Variants in JOSD1 observed in about 807,000 individuals in gnomAD.
JOSD1 encodes the protein Josephin domain containing 1.
In JOSD1, 11 loss-of-function variants were observed where a neutral mutation model predicts 24.3. The observed-to-expected ratio is 0.45, with a 90% CI of 0.29 to 0.75. The LOEUF is 0.75. Ranked by LOEUF, JOSD1 falls within the 30% of genes least tolerant of loss-of-function variation. The probability of loss-of-function intolerance (pLI) is 0.11; values close to 1 mark genes in which losing one functional copy is unlikely to be tolerated. For missense variants in JOSD1, 184 were observed against 253.5 expected, an observed-to-expected ratio of 0.73 and a Z score of 1.86; for synonymous variants, 106 against 93.8, an observed-to-expected ratio of 1.13 and a Z score of -0.75.
At chr22:38,689,495 A>G in intron 2 of JOSD1, 71 bp from the exon 3 acceptor site, 1 of 1,586,738 alleles carries the variant, frequency 6.3e-7, no homozygotes, top group Non-Finnish European at 8.6e-7. Context: ...ACTACCAGGG[A>G]TGGAGAGCAC....
At chr22:38,691,987 G>A (rs1489016195) in intron 2 of JOSD1, among the ~76,000 whole-genome samples, 3 of 152,182 alleles carry the variant, frequency 2.0e-5, no homozygotes, top group African/African-American at 7.2e-5. Flanking sequence ...GAAATGTTCA[G>A]TGTTTATTTT....
At chr22:38,692,823 C>CAGA (rs368035454) in intron 2 of JOSD1, among the ~76,000 whole-genome samples, 1,504 of 138,188 alleles carry the variant, frequency 0.011, 33 homozygotes, top group African/African-American at 0.039. Context: ...AAAAAGAGAA[C>CAGA]AGAACACATA....
At position 38,700,896 on chromosome 22, in the gene JOSD1, C is replaced by A. The variant is rs575747974; in HGVS notation, c.-728G>T. The stretch of plus-strand genomic sequence containing the variant: ...GCCGGGACTGCTCGCCGCTGGCGGT[C>A]CCCTCACCGCAGCCGGCCGCCACCT... On this transcript the variant is annotated 5_prime_UTR_variant, in exon 1 of 5. Transcript: ENST00000683374. 7 of 984,468 alleles carry A rather than the reference C, an allele frequency of 7.1e-6. No individual in the cohort carries two copies. Among genetic ancestry groups the A allele is most frequent in the South Asian group, 4.7e-5 (1 of 21,292 alleles). 61.0% of individuals were successfully genotyped at this position (984,468 alleles called of 1,614,324 possible). A position where few individuals can be genotyped will look rare whatever the true frequency, so the allele number is the denominator to read the frequency against.
intron 2 of JOSD1, among the ~76,000 whole-genome samples, chr22:38,698,931 A>ATTT (rs202242270): frequency 6.6e-6 from 1 of 151,992 alleles, no homozygotes; most frequent in Non-Finnish European, 1.5e-5. Context: ...TAATTTTTGT[A>ATTT]TTTTTAGTAG....
In JOSD1 at chr22:38,689,006, C is replaced by T. The variant is rs267606248; in HGVS notation, c.438G>A (p.Val146=). ...AGTCGAGGTTGTAGTAGGCCCCTCC[C>T]ACCTCTCGAACACAGATCCAGTGCT... ...KRQHWICVRE[V]GGAYYNLDSK... The change falls in exon 4 of 5, where the codon GTG becomes GTA. Residue 146 remains valine (V), a synonymous_variant. Transcript: ENST00000683374. 1 of 1,614,174 alleles carries T rather than the reference C, an allele frequency of 6.2e-7. No individual in the cohort carries two copies. Among genetic ancestry groups the T allele is most frequent in the Non-Finnish European group, 8.5e-7 (1 of 1,180,038 alleles).
chr22:38,694,638 G>A (rs1382140547), intron 2 of JOSD1, among the ~76,000 whole-genome samples: 6 of 151,942 alleles, frequency 3.9e-5, no homozygotes, highest in Non-Finnish European at 7.4e-5. Context: ...CGAGGTGGAC[G>A]GTTCATGAGG....
rs2092567439 is a variant in JOSD1, at chr22:38,700,933, C to A, written c.-765G>T. 1 of 984,660 alleles carries A rather than the reference C, an allele frequency of 1.0e-6. No individual in the cohort carries two copies. Among genetic ancestry groups the A allele is most frequent in the African/African-American group, 1.7e-5 (1 of 57,240 alleles). The allele number at this position is 984,660 out of a possible 1,614,324, so 61.0% of individuals were successfully genotyped here. Reference sequence around the variant, plus strand: ...GCCGGCCGCCACCTGGAGTGCGCGCCGCCAACTGGGCCGTGCGGGCGGGCG... The same window carrying A: ...GCCGGCCGCCACCTGGAGTGCGCGCAGCCAACTGGGCCGTGCGGGCGGGCG... On this transcript the variant is annotated 5_prime_UTR_variant, in exon 1 of 5. Transcript: ENST00000683374.
intron 2 of JOSD1, among the ~76,000 whole-genome samples, chr22:38,690,204 T>C (rs2092515847): frequency 6.6e-6 from 1 of 152,088 alleles, no homozygotes; most frequent in African/African-American, 2.4e-5. Context: ...TCAAGGGGCA[T>C]ACCTTTGGGC....
chr22:38,700,776 C>T, intron 1 of JOSD1, 24 bp downstream of exon 1: 1 of 984,956 alleles, frequency 1.0e-6, no homozygotes, highest in Non-Finnish European at 1.2e-6. Flanking sequence ...CCGCGCCCAC[C>T]CGGCTCGCAG....
At chr22:38,692,772 ACT>A (rs2145809855) in intron 2 of JOSD1, among the ~76,000 whole-genome samples, 1 of 137,822 alleles carries the variant, frequency 7.3e-6, no homozygotes, top group Admixed American at 7.4e-5. Flanking sequence ...CAAGAGCAAA[ACT>A]CTGTCTCAAA....
At chr22:38,694,299 G>A (rs1044080136) in intron 2 of JOSD1, among the ~76,000 whole-genome samples, 4 of 152,222 alleles carry the variant, frequency 2.6e-5, no homozygotes, top group African/African-American at 7.2e-5. Flanking sequence ...GACTTGCACA[G>A]TCAGGCACAG....
At chr22:38,688,023 A>T (rs758032666) in intron 4 of JOSD1, 22 bp from the exon 5 acceptor site, 2 of 1,570,896 alleles carry the variant, frequency 1.3e-6, no homozygotes, top group African/African-American at 2.7e-5. Flanking sequence ...GAGATAGAGA[A>T]AATGAAATGC....
chr22:38,689,912 CTGTG>C (rs57064558), intron 2 of JOSD1, among the ~76,000 whole-genome samples: 4,080 of 144,396 alleles, frequency 0.028, 72 homozygotes, highest in Non-Finnish European at 0.04. Flanking sequence ...TAAAGGCATT[CTGTG>C]TGTGTGTGTG....
intron 2 of JOSD1, among the ~76,000 whole-genome samples, chr22:38,690,808 G>A (rs2092518488): frequency 6.6e-6 from 1 of 151,168 alleles, no homozygotes; most frequent in African/African-American, 2.4e-5. Flanking sequence ...ATCACTTGAG[G>A]TCAGGAGTTC....
At chr22:38,697,403 G>C (rs1160669544) in intron 2 of JOSD1, among the ~76,000 whole-genome samples, 1 of 152,220 alleles carries the variant, frequency 6.6e-6, no homozygotes, top group Non-Finnish European at 1.5e-5. Context: ...TAGAATTGGG[G>C]AATGCAGTAC....
At chr22:38,690,942 C>T (rs1302861235) in intron 2 of JOSD1, among the ~76,000 whole-genome samples, 3 of 152,096 alleles carry the variant, frequency 2.0e-5, no homozygotes, top group South Asian at 2.1e-4. Context: ...ACTGCTTGAA[C>T]GTAGGAGGCA....
Position 38,699,768 on chromosome 22 carries a change from T to C in JOSD1, c.185+35A>G, listed in dbSNP as rs372405287. On this transcript the variant is annotated intron_variant, in intron 2 of 4. Coordinates refer to ENST00000683374, the MANE Select transcript of JOSD1 (RefSeq NM_001360236.2). The stretch of plus-strand genomic sequence containing the variant: ...CCCCACCCACAGAAATCCAGAAATA[T>C]CAGTATCAAGATGCCAAGGAGAAGG... The C allele has an allele frequency of 1.1e-5, 17 of 1,595,148 alleles. No individual in the cohort carries two copies. In the African/African-American group the frequency reaches 1.5e-4, roughly 14 times the overall value.
At position 38,687,575 on chromosome 22, in the gene JOSD1, G is replaced by A. The variant is rs113935485; in HGVS notation, c.*327C>T. On this transcript the variant is annotated 3_prime_UTR_variant, in exon 5 of 5. Transcript: ENST00000683374. The stretch of plus-strand genomic sequence containing the variant: ...AGTCTGGAGCAGCAGTGACAACTCA[G>A]CAGAACCTGTGTCAAGTCCTCATAG... 2.0e-5 allele frequency: 6 copies of A among 295,214 alleles called. No individual in the cohort carries two copies. The highest frequency in any genetic ancestry group is 6.5e-5 in the African/African-American group (3 of 45,870). The allele number at this position is 295,214 out of a possible 1,614,324, so 18.3% of individuals were successfully genotyped here.
intron 2 of JOSD1, among the ~76,000 whole-genome samples, chr22:38,691,427 C>T (rs1157388676): frequency 1.3e-5 from 2 of 151,720 alleles, no homozygotes; most frequent in African/African-American, 4.8e-5. Flanking sequence ...CTGCTTAAAA[C>T]CTTCTGATGG....
Sources: gnomAD v4.1 joint callset for allele counts (sites outside exome capture counted in the v4.1 genomes callset) on GRCh38, gnomAD v4.1.1 for gene constraint, MANE v1.5 for transcripts, NCBI Gene and HGNC (gene_info 2026-07-23, HGNC 2026-07-21) for gene names.